Variants in RFX7 observed in about 807,000 individuals in gnomAD.
RFX7 encodes regulatory factor X7.
In RFX7, 26 loss-of-function variants were observed where a neutral mutation model predicts 111.8. The ratio of observed to expected loss-of-function variants is 0.23; its 90% CI spans 0.17 to 0.32. The LOEUF (loss-of-function observed/expected upper bound fraction) is 0.32. Ranked by LOEUF, RFX7 falls within the 10% of genes least tolerant of loss-of-function variation. RFX7 has a pLI of 1.00. For missense variants in RFX7, 1,573 were observed against 1,772.9 expected (o/e 0.89, Z 2.02); for synonymous variants, 624 against 624.4 (o/e 1.00, Z 0.01).
intron 2 of RFX7, among the ~76,000 whole-genome samples, chr15:56,204,043 G>T (rs1596007203): frequency 9.2e-5 from 11 of 119,698 alleles, no homozygotes; most frequent in Admixed American, 1.9e-4. Context: ...TTTTTGAGAT[G>T]GACTCTCACT....
intron 2 of RFX7, among the ~76,000 whole-genome samples, chr15:56,230,462 T>A (rs1186671821): frequency 6.6e-6 from 1 of 152,240 alleles, no homozygotes; most frequent in Non-Finnish European, 1.5e-5. Context: ...AAGTGTAACA[T>A]CAGTTTAATA....
chr15:56,128,794 G>C (rs1189980632), intron 5 of RFX7, among the ~76,000 whole-genome samples: 1 of 151,880 alleles, frequency 6.6e-6, no homozygotes, highest in African/African-American at 2.4e-5. Context: ...AGATGAAATA[G>C]ATAAAAAAAT....
At chr15:56,109,058 T>C (rs1413015846) in intron 5 of RFX7, among the ~76,000 whole-genome samples, 1 of 151,830 alleles carries the variant, frequency 6.6e-6, no homozygotes, top group East Asian at 1.9e-4. Context: ...CCTCTGCCTC[T>C]CCCTCTCCCT....
intron 2 of RFX7, among the ~76,000 whole-genome samples, chr15:56,230,236 A>G (rs1411156911): frequency 1.3e-5 from 2 of 152,228 alleles, no homozygotes; most frequent in Non-Finnish European, 2.9e-5. Context: ...TTGTATACTC[A>G]GTCACGAAAG....
chr15:56,219,361 T>C (rs544323353), intron 2 of RFX7, among the ~76,000 whole-genome samples: 1 of 152,340 alleles, frequency 6.6e-6, no homozygotes, highest in South Asian at 2.1e-4. Flanking sequence ...TTTATATTTA[T>C]TGTAAATATT....
intron 5 of RFX7, among the ~76,000 whole-genome samples, chr15:56,139,435 C>A (rs998471866): frequency 2.4e-4 from 36 of 152,328 alleles, no homozygotes; most frequent in Admixed American, 6.5e-4. Context: ...GCATTCTTCA[C>A]GTAGCTCTCG....
In RFX7 at chr15:56,159,261, C is replaced by T. The variant is rs558640697; in HGVS notation, c.196-14778G>A. 2.1e-3 allele frequency among the ~76,000 whole-genome samples: 321 copies of T among 152,242 alleles called. 1 individual carries two copies. The highest frequency in any genetic ancestry group is 3.7e-3 in the Non-Finnish European group (250 of 68,018). ...TTCATCTGATGATGGACACGTAGGT[C>T]GCTTCTGTATCTTAGGTACTGTGAA... On this transcript the variant is annotated intron_variant, in intron 3 of 9. Transcript: ENST00000559447.
intron 3 of RFX7, among the ~76,000 whole-genome samples, chr15:56,171,480 C>G (rs933081105): frequency 9.9e-5 from 15 of 151,828 alleles, no homozygotes; most frequent in East Asian, 9.7e-4. Flanking sequence ...TAAAAAGGCT[C>G]AAGCAGCCAT....
At chr15:56,111,264 G>A (rs1346338194) in intron 5 of RFX7, among the ~76,000 whole-genome samples, 87 of 150,668 alleles carry the variant, frequency 5.8e-4, no homozygotes, top group African/African-American at 2.0e-3. Flanking sequence ...TGTGTAGAAA[G>A]AGGTAGACAT....
intron 2 of RFX7, chr15:56,192,792 G>A: frequency 4.5e-6 from 1 of 224,142 alleles, no homozygotes. Flanking sequence ...ATGGAGGCCA[G>A]CAAATCGGTC....
intron 3 of RFX7, among the ~76,000 whole-genome samples, chr15:56,157,365 T>A (rs1355100229): frequency 6.6e-6 from 1 of 152,188 alleles, no homozygotes. Flanking sequence ...GGCCTTTAAT[T>A]CCTCTGGAAT....
intron 2 of RFX7, among the ~76,000 whole-genome samples, chr15:56,186,096 A>C (rs762030496): frequency 3.9e-5 from 6 of 152,172 alleles, no homozygotes; most frequent in Non-Finnish European, 7.4e-5. Context: ...TTCATCTACA[A>C]AACAGGCTTA....
At chr15:56,101,891 T>A (rs1408569115) in intron 7 of RFX7, among the ~76,000 whole-genome samples, 2 of 152,220 alleles carry the variant, frequency 1.3e-5, no homozygotes, top group Non-Finnish European at 2.9e-5. Context: ...ACATATTACA[T>A]GATGACTGAC....
At chr15:56,185,452 T>C (rs1287443928) in intron 2 of RFX7, among the ~76,000 whole-genome samples, 12 of 152,328 alleles carry the variant, frequency 7.9e-5, no homozygotes, top group African/African-American at 2.9e-4. Context: ...AAATAATTCA[T>C]TGCCATTTTA....
At chr15:56,207,271 A>G (rs1018409894) in intron 2 of RFX7, among the ~76,000 whole-genome samples, 34 of 152,168 alleles carry the variant, frequency 2.2e-4, no homozygotes, top group Non-Finnish European at 3.8e-4. Flanking sequence ...AGAGACTAGA[A>G]GGAGGAGGAA....
intron 2 of RFX7, among the ~76,000 whole-genome samples, chr15:56,231,215 G>A (rs564191475): frequency 6.6e-6 from 1 of 152,304 alleles, no homozygotes; most frequent in African/African-American, 2.4e-5. Context: ...CTATGTTGCT[G>A]CTGTAATAAT....
chr15:56,178,382 G>A (rs964943749), intron 3 of RFX7, among the ~76,000 whole-genome samples: 3 of 151,978 alleles, frequency 2.0e-5, no homozygotes, highest in African/African-American at 4.8e-5. Context: ...AATAATATAA[G>A]CTAATAAGAC....
chr15:56,172,291 G>A (rs1295455461), intron 3 of RFX7, among the ~76,000 whole-genome samples: 2 of 152,134 alleles, frequency 1.3e-5, no homozygotes, highest in African/African-American at 4.8e-5. Flanking sequence ...TCAACACTTT[G>A]ACTAAACTTT....
intron 5 of RFX7, among the ~76,000 whole-genome samples, chr15:56,107,296 CAAAAAAA>C (rs56077181): frequency 1.5e-3 from 49 of 32,136 alleles, no homozygotes; most frequent in Middle Eastern, 0.042. Flanking sequence ...GACTCCGTCT[CAAAAAAA>C]AAAAAAAAAA....
Sources: gnomAD v4.1 joint callset for allele counts (sites outside exome capture counted in the v4.1 genomes callset) on GRCh38, gnomAD v4.1.1 for gene constraint, MANE v1.5 for transcripts, NCBI Gene and HGNC (gene_info 2026-07-23, HGNC 2026-07-21) for gene names.